Variants in STX18 observed in about 807,000 individuals in gnomAD.
The protein encoded by STX18 is syntaxin-18.
STX18 carries 40 observed loss-of-function variants against 50.1 expected under a neutral mutation model. That is an observed-to-expected ratio of 0.80 (90% confidence interval 0.62 to 1.04). The LOEUF is 1.04. Ranked by LOEUF, STX18 falls within the 50% of genes least tolerant of loss-of-function variation. The pLI is 0.00. For missense variants in STX18, 410 were observed against 415.8 expected, an observed-to-expected ratio of 0.99 and a Z score of 0.12; for synonymous variants, 158 against 151.8, an observed-to-expected ratio of 1.04 and a Z score of -0.30.
Position 4,439,335 on chromosome 4 carries a change from C to G in STX18, c.498-826G>C, listed in dbSNP as rs191024638. On this transcript the variant is annotated intron_variant, in intron 5 of 10. Coordinates refer to ENST00000306200, the MANE Select transcript of STX18 (RefSeq NM_016930.4). Reference sequence around the variant, plus strand: ...ATATACACATACCATATATACACACCCACATACATATACTACATATATATA... The same window carrying G: ...ATATACACATACCATATATACACACGCACATACATATACTACATATATATA... Among the ~76,000 whole-genome samples the G allele has an allele frequency of 2.1e-3, 308 of 148,594 alleles. 6 individuals are homozygous for G. Among genetic ancestry groups the G allele is most frequent in the East Asian group, 0.011 (55 of 4,916 alleles).
chr4:4,466,546 G>T lies in STX18; in HGVS notation c.236+5093C>A, dbSNP rs1351867434. Among the ~76,000 whole-genome samples, 4 of 152,260 alleles carry T rather than the reference G, an allele frequency of 2.6e-5. No homozygotes were observed. In the East Asian group the frequency reaches 7.7e-4, roughly 29 times the overall value. On this transcript the variant is annotated intron_variant, in intron 2 of 10. Coordinates refer to ENST00000306200, the MANE Select transcript of STX18 (RefSeq NM_016930.4). Reference sequence around the variant, plus strand: ...CCAGGAGAGGAAGGGACAAAGAGCAGGGAGTTGAGAACAAAGAGATCAGGC... The same window carrying T: ...CCAGGAGAGGAAGGGACAAAGAGCATGGAGTTGAGAACAAAGAGATCAGGC...
chr4:4,510,105 G>A (rs1249156429), intron 1 of STX18, among the ~76,000 whole-genome samples: 1 of 152,192 alleles, frequency 6.6e-6, no homozygotes, highest in African/African-American at 2.4e-5. Flanking sequence ...GGGGGCTGCA[G>A]GAAATCACCA....
At position 4,419,915 on chromosome 4, in the gene STX18, C is replaced by A; in HGVS notation, c.*119G>T. ...ACGTCTGTCTGTCTGAACTCCTTTCCCTTCAAATGGCACTGTGATAAAATC... is the reference window on the plus strand; with the variant it reads ...ACGTCTGTCTGTCTGAACTCCTTTCACTTCAAATGGCACTGTGATAAAATC... On this transcript the variant is annotated 3_prime_UTR_variant, in exon 11 of 11. Transcript: ENST00000306200. The A allele has an allele frequency of 1.2e-6, 1 of 825,208 alleles. No individual in the cohort carries two copies. Among genetic ancestry groups the A allele is most frequent in the Non-Finnish European group, 1.9e-6 (1 of 515,790 alleles). The allele number at this position is 825,208 out of a possible 1,614,324, so 51.1% of individuals were successfully genotyped here.
intron 9 of STX18, among the ~76,000 whole-genome samples, chr4:4,422,595 AAAAAG>A (rs939044164): frequency 3.3e-5 from 5 of 151,858 alleles, no homozygotes; most frequent in South Asian, 2.1e-4. Flanking sequence ...AAAAAGAAAA[AAAAAG>A]AAAAGAAAAA....
At chr4:4,484,017 ATGCC>A (rs1728583549) in intron 1 of STX18, among the ~76,000 whole-genome samples, 1 of 151,940 alleles carries the variant, frequency 6.6e-6, no homozygotes, top group Non-Finnish European at 1.5e-5. Flanking sequence ...GCGTGCCACC[ATGCC>A]CAGCTAATTT....
chr4:4,537,946 G>A (rs1242807864), intron 1 of STX18, among the ~76,000 whole-genome samples: 1 of 152,188 alleles, frequency 6.6e-6, no homozygotes, highest in African/African-American at 2.4e-5. Context: ...GTAGTGGGCA[G>A]AGGGAGAGCA....
intron 5 of STX18, chr4:4,453,603 T>G (rs1227010006): frequency 1.2e-6 from 1 of 855,254 alleles, no homozygotes; most frequent in Non-Finnish European, 1.4e-6. Context: ...TTCACTTTGT[T>G]GCTGTCTGGA....
intron 2 of STX18, among the ~76,000 whole-genome samples, chr4:4,464,799 T>C (rs1463526464): frequency 1.3e-5 from 2 of 151,102 alleles, no homozygotes; most frequent in African/African-American, 4.9e-5. Flanking sequence ...CTTCTCTCTT[T>C]TCTTCTTTAT....
intron 1 of STX18, among the ~76,000 whole-genome samples, chr4:4,532,634 G>C (rs1431166193): frequency 6.6e-6 from 1 of 152,136 alleles, no homozygotes; most frequent in Non-Finnish European, 1.5e-5. Context: ...GGATTATCTA[G>C]TCAAAACCTC....
chr4:4,514,331 A>G (rs981807683), intron 1 of STX18, among the ~76,000 whole-genome samples: 1 of 152,232 alleles, frequency 6.6e-6, no homozygotes, highest in African/African-American at 2.4e-5. Flanking sequence ...TGCAGCTTCA[A>G]TGGAAAATGG....
chr4:4,501,393 G>A lies in STX18; in HGVS notation c.169-29687C>T, dbSNP rs531110749. Among the ~76,000 whole-genome samples, 23 of 152,164 alleles carry A rather than the reference G, an allele frequency of 1.5e-4. No homozygotes were observed. The East Asian group carries it at 1.5e-3, about 10-fold the overall frequency. On this transcript the variant is annotated intron_variant, in intron 1 of 10. Coordinates refer to ENST00000306200, the MANE Select transcript of STX18 (RefSeq NM_016930.4). ...TTGCTGCCACCTCTCTCTCACTGTCGGTCAGAATGACTGCATTTTAAAAAC... is the reference window on the plus strand; with the variant it reads ...TTGCTGCCACCTCTCTCTCACTGTCAGTCAGAATGACTGCATTTTAAAAAC...
At chr4:4,518,654 T>G (rs188294902) in intron 1 of STX18, among the ~76,000 whole-genome samples, 1 of 152,176 alleles carries the variant, frequency 6.6e-6, no homozygotes, top group African/African-American at 2.4e-5. Context: ...ATTAATTCCT[T>G]CCTCTCTCTT....
rs116040924 is a variant in STX18, at chr4:4,483,364, T to C, written c.169-11658A>G. Among the ~76,000 whole-genome samples the C allele has an allele frequency of 4.6e-3, 702 of 152,284 alleles. 5 individuals carry two copies. The highest frequency in any genetic ancestry group is 0.016 in the African/African-American group (651 of 41,558). On this transcript the variant is annotated intron_variant, in intron 1 of 10. Coordinates refer to ENST00000306200, the MANE Select transcript of STX18 (RefSeq NM_016930.4). The stretch of plus-strand genomic sequence containing the variant: ...TGCTTAAGATTCCCATTAAACTCAA[T>C]GCAACTTCCATTTTAAAAGACTTCT...
At chr4:4,500,353 C>T (rs73796030) in intron 1 of STX18, among the ~76,000 whole-genome samples, 8,822 of 152,228 alleles carry the variant, frequency 0.058, 387 homozygotes, top group African/African-American at 0.12. Context: ...AAAAAGGATG[C>T]TGCACCTGTA....
chr4:4,427,757 A>G (rs1424596409), intron 7 of STX18, among the ~76,000 whole-genome samples: 2 of 152,204 alleles, frequency 1.3e-5, no homozygotes, highest in African/African-American at 4.8e-5. Context: ...ACCTCCTCTT[A>G]GGCCTCTTCG....
intron 1 of STX18, among the ~76,000 whole-genome samples, chr4:4,521,370 A>G (rs773082178): frequency 6.6e-6 from 1 of 152,234 alleles, no homozygotes; most frequent in Non-Finnish European, 1.5e-5. Flanking sequence ...TGAAGCTTAT[A>G]GGGAAGTAAA....
chr4:4,469,707 T>C (rs940429283), intron 2 of STX18, among the ~76,000 whole-genome samples: 7 of 152,244 alleles, frequency 4.6e-5, no homozygotes, highest in South Asian at 2.1e-4. Flanking sequence ...ACTTCTCAGG[T>C]ACTGCTGCAT....
chr4:4,504,636 AC>A (rs1464769858), intron 1 of STX18, among the ~76,000 whole-genome samples: 1 of 152,220 alleles, frequency 6.6e-6, no homozygotes, highest in African/African-American at 2.4e-5. Context: ...AAAACAAAAA[AC>A]TAAATTAAAA....
chr4:4,521,415 C>T (rs1438432585), intron 1 of STX18, among the ~76,000 whole-genome samples: 1 of 152,104 alleles, frequency 6.6e-6, no homozygotes, highest in Non-Finnish European at 1.5e-5. Context: ...AGAATTCCAC[C>T]CAATGATCCT....
Sources: allele counts gnomAD v4.1 joint callset (sites outside exome capture counted in the v4.1 genomes callset), GRCh38; gene constraint gnomAD v4.1.1; transcripts MANE v1.5; gene names NCBI Gene and HGNC (gene_info 2026-07-23, HGNC 2026-07-21).